XXYLT1: variants seen among roughly 807,000 people sequenced by gnomAD.
XXYLT1 encodes the protein UDP-xylose:alpha-xyloside alpha-1,3-xylosyltransferase.
XXYLT1 carries 20 observed loss-of-function variants against 28.9 expected under a neutral mutation model. The ratio of observed to expected loss-of-function variants is 0.69; its 90% CI spans 0.49 to 1.00. XXYLT1 has a LOEUF of 1.00. Ranked by LOEUF, XXYLT1 falls within the 50% of genes least tolerant of loss-of-function variation. The pLI, the probability that XXYLT1 is intolerant of heterozygous loss-of-function variation, is 0.00. For synonymous variants in XXYLT1, 257 were observed against 253.8 expected, an observed-to-expected ratio of 1.01 and a Z score of -0.12; for missense variants, 542 against 560.1, an observed-to-expected ratio of 0.97 and a Z score of 0.33.
rs142121465 is a variant in XXYLT1 at position 195,159,901 on chromosome 3, C to T, written c.653-3320G>A. On this transcript the variant is annotated intron_variant, in intron 2 of 3. Coordinates refer to ENST00000310380, the MANE Select transcript of XXYLT1 (RefSeq NM_152531.5). The stretch of plus-strand genomic sequence containing the variant: ...TCTCACATCCAGCAGAAACTTGGGT[C>T]GCTTCTGAGCTGGACGTTTCTCTGT... 6.9e-3 allele frequency among the ~76,000 whole-genome samples: 1,048 copies of T among 152,194 alleles called. 6 individuals carry two copies. Among genetic ancestry groups the T allele is most frequent in the Non-Finnish European group, 0.01 (689 of 67,994 alleles).
At chr3:195,159,945 T>C (rs1019311491) in intron 2 of XXYLT1, among the ~76,000 whole-genome samples, 1 of 152,096 alleles carries the variant, frequency 6.6e-6, no homozygotes, top group Non-Finnish European at 1.5e-5. Flanking sequence ...TCTTCTCCAT[T>C]TCCCTCCCAG....
At chr3:195,106,824 A>T (rs1486944411) in intron 3 of XXYLT1, among the ~76,000 whole-genome samples, 1 of 152,240 alleles carries the variant, frequency 6.6e-6, no homozygotes, top group Non-Finnish European at 1.5e-5. Flanking sequence ...ACCCTGAGAC[A>T]GAATGGAACC....
At position 195,119,312 on chromosome 3, in the gene XXYLT1, A is replaced by G. The variant is rs190685044; in HGVS notation, c.785+37137T>C. ...CAAAAAAAAAAAAAAAAAAGGAAAT[A>G]ACATATATAGTGAAGCTGATATAAA... On this transcript the variant is annotated intron_variant, in intron 3 of 3. Coordinates refer to ENST00000310380, the MANE Select transcript of XXYLT1 (RefSeq NM_152531.5). Among the ~76,000 whole-genome samples the G allele has an allele frequency of 1.4e-4, 21 of 151,926 alleles. No homozygotes were observed. The East Asian group carries it at 3.3e-3, about 24-fold the overall frequency.
At chr3:195,221,038 A>C (rs2108794756) in intron 2 of XXYLT1, among the ~76,000 whole-genome samples, 1 of 152,288 alleles carries the variant, frequency 6.6e-6, no homozygotes, top group Non-Finnish European at 1.5e-5. Context: ...CACTGATATG[A>C]TGTGAGGGAA....
intron 1 of XXYLT1, among the ~76,000 whole-genome samples, chr3:195,259,327 T>TA (rs1212025152): frequency 3.9e-5 from 6 of 152,372 alleles, no homozygotes; most frequent in South Asian, 2.1e-4. Context: ...GGCAAGTAGT[T>TA]AGAGTGGCCT....
chr3:195,090,402 C>A (rs1716065559), intron 3 of XXYLT1, among the ~76,000 whole-genome samples: 1 of 150,956 alleles, frequency 6.6e-6, no homozygotes, highest in Non-Finnish European at 1.5e-5. Context: ...TACACGGAAA[C>A]TGAACAACCT....
At chr3:195,231,208 T>G (rs78990979) in intron 1 of XXYLT1, among the ~76,000 whole-genome samples, 1 of 152,210 alleles carries the variant, frequency 6.6e-6, no homozygotes, top group Non-Finnish European at 1.5e-5. Context: ...ATGATTTTTG[T>G]ATGTTGAATT....
rs1725535084 is a variant in XXYLT1 at position 195,257,785 on chromosome 3, G to T, written c.504+12770C>A. On this transcript the variant is annotated intron_variant, in intron 1 of 3. Transcript: ENST00000310380. The surrounding 1 kb of genome is among the most constrained non-coding windows in gnomAD (Gnocchi z 4.3). ...TTCTGGTCATGACTCTCCTGCCAGG[G>T]ACAGAAGACAGAGCCAGTCTGTGGC... Among the ~76,000 whole-genome samples, 3 of 152,082 alleles carry T rather than the reference G, an allele frequency of 2.0e-5. No homozygotes were observed. In the South Asian group the frequency reaches 6.2e-4, roughly 31 times the overall value.
In XXYLT1 at chr3:195,079,150, G is replaced by A. The variant is rs186751926; in HGVS notation, c.786-9039C>T. Among the ~76,000 whole-genome samples, 7 of 152,334 alleles carry A rather than the reference G, an allele frequency of 4.6e-5. No individual in the cohort carries two copies. In the East Asian group the frequency reaches 1.3e-3, roughly 29 times the overall value. ...GTACATCACTGCATGTGAGAATACA[G>A]CAGTGTGGAAAGCTGTAGAGGGCAA... On this transcript the variant is annotated intron_variant, in intron 3 of 3. Coordinates refer to ENST00000310380, the MANE Select transcript of XXYLT1 (RefSeq NM_152531.5).
intron 2 of XXYLT1, 88 bp downstream of exon 2, chr3:195,226,621 G>A: frequency 6.6e-7 from 1 of 1,504,718 alleles, no homozygotes; most frequent in Non-Finnish European, 8.9e-7. Context: ...TATTCTCCCT[G>A]ATACAGGGCC....
intron 3 of XXYLT1, 133 bp downstream of exon 3, chr3:195,156,316 C>A (rs2108682537): frequency 1.4e-6 from 2 of 1,441,824 alleles, no homozygotes; most frequent in South Asian, 1.4e-5. Context: ...CAATAAGTAC[C>A]AATGTGTTCC....
chr3:195,151,319 G>A (rs894775794), intron 3 of XXYLT1, among the ~76,000 whole-genome samples: 2 of 152,064 alleles, frequency 1.3e-5, no homozygotes, highest in African/African-American at 2.4e-5. Flanking sequence ...TGAGGCGGGC[G>A]GATCACTTGA....
chr3:195,241,650 C>T (rs1724780306), intron 1 of XXYLT1, among the ~76,000 whole-genome samples: 1 of 152,120 alleles, frequency 6.6e-6, no homozygotes, highest in Admixed American at 6.5e-5. Context: ...CACCCCAGGG[C>T]CTATGCACTG....
rs144902921 is a variant in XXYLT1, at chr3:195,181,290, C to T, written c.653-24709G>A. Among the ~76,000 whole-genome samples the T allele has an allele frequency of 9.2e-5, 14 of 152,212 alleles. No homozygotes were observed. In the East Asian group the frequency reaches 1.7e-3, roughly 19 times the overall value. On this transcript the variant is annotated intron_variant, in intron 2 of 3. Transcript: ENST00000310380. ...GCGTGGCTGCGTGGCTGCGTGGCTG[C>T]GGGGCTGCGGGGCTGCGGAGCATGT...
intron 3 of XXYLT1, among the ~76,000 whole-genome samples, chr3:195,088,501 A>G (rs1715929827): frequency 7.3e-6 from 1 of 137,102 alleles, no homozygotes; most frequent in Admixed American, 7.7e-5. Flanking sequence ...AACAGAAAGG[A>G]CATCCACACC....
At chr3:195,107,245 G>T (rs1437973194) in intron 3 of XXYLT1, among the ~76,000 whole-genome samples, 1 of 151,724 alleles carries the variant, frequency 6.6e-6, no homozygotes, top group Non-Finnish European at 1.5e-5. Context: ...AGGCCGAGGC[G>T]GGCGGATCAC....
chr3:195,105,738 G>T (rs1249082021), intron 3 of XXYLT1, among the ~76,000 whole-genome samples: 1 of 151,214 alleles, frequency 6.6e-6, no homozygotes, highest in African/African-American at 2.4e-5. Context: ...GGATCCCTGA[G>T]CCAGACCTAC....
intron 1 of XXYLT1, among the ~76,000 whole-genome samples, chr3:195,245,626 T>C (rs1428787970): frequency 6.6e-6 from 1 of 152,162 alleles, no homozygotes; most frequent in East Asian, 1.9e-4. Flanking sequence ...GAGGATGATA[T>C]GTGTGTCTCC....
intron 1 of XXYLT1, among the ~76,000 whole-genome samples, chr3:195,230,498 T>C (rs1724253781): frequency 6.6e-6 from 1 of 152,236 alleles, no homozygotes; most frequent in Non-Finnish European, 1.5e-5. Context: ...ATGTTTTCTT[T>C]TGGTAGTGTC....
Sources: gnomAD v4.1 joint callset for allele counts (sites outside exome capture counted in the v4.1 genomes callset) on GRCh38, gnomAD v4.1.1 for gene constraint, Gnocchi (gnomAD v3.1) non-coding constraint, MANE v1.5 for transcripts, NCBI Gene and HGNC (gene_info 2026-07-23, HGNC 2026-07-21) for gene names.